Variants in EPHA6 observed in about 807,000 individuals in gnomAD.
EPHA6 encodes the protein EPH receptor A6.
EPHA6 carries 50 observed loss-of-function variants against 112.0 expected under a neutral mutation model. The ratio of observed to expected loss-of-function variants is 0.45; its 90% CI spans 0.36 to 0.56. EPHA6 has a LOEUF of 0.56. Among genes scored for constraint, EPHA6 ranks in the 20% least tolerant of loss-of-function variants. EPHA6 has a pLI of 0.00. For synonymous variants in EPHA6, 529 were observed against 490.7 expected (o/e 1.08, Z -1.03); for missense variants, 1,280 against 1,417.4 (o/e 0.90, Z 1.56).
At chr3:97,239,908 A>G (rs2078792289) in intron 4 of EPHA6, among the ~76,000 whole-genome samples, 1 of 151,880 alleles carries the variant, frequency 6.6e-6, no homozygotes, top group Non-Finnish European at 1.5e-5. Context: ...TAGGCTGAAT[A>G]TGATGTAATA....
chr3:97,622,964 T>TG (rs1345472166), intron 13 of EPHA6, among the ~76,000 whole-genome samples: 2 of 151,620 alleles, frequency 1.3e-5, no homozygotes, highest in African/African-American at 2.4e-5. Context: ...GATTTTTTTT[T>TG]GTTGAATTTT....
chr3:97,319,404 A>G (rs1033491597), intron 5 of EPHA6, among the ~76,000 whole-genome samples: 1 of 151,810 alleles, frequency 6.6e-6, no homozygotes, highest in African/African-American at 2.4e-5. Flanking sequence ...ACAGTGGCTC[A>G]TGCCTGTAAT....
At chr3:97,364,235 C>G (rs1310652961) in intron 5 of EPHA6, among the ~76,000 whole-genome samples, 1 of 151,598 alleles carries the variant, frequency 6.6e-6, no homozygotes, top group Non-Finnish European at 1.5e-5. Context: ...TACGAGGACA[C>G]AGAGAAAGCC....
chr3:97,257,544 G>C lies in EPHA6; in HGVS notation c.1606+13257G>C, dbSNP rs999742642. On this transcript the variant is annotated intron_variant, in intron 5 of 17. Coordinates refer to ENST00000389672, the MANE Select transcript of EPHA6 (RefSeq NM_001080448.3). ...TGATTTTTCTTTGGAAAATGGTAAT[G>C]CTCTGACTGCTTAGTGTATGATTTG... Among the ~76,000 whole-genome samples, 4 of 152,076 alleles carry C rather than the reference G, an allele frequency of 2.6e-5. No homozygotes were observed. The East Asian group carries it at 7.7e-4, about 29-fold the overall frequency.
rs114842393 is a variant in EPHA6, at chr3:96,962,518, G to C, written c.451-24812G>C. ...TCTAATACTAAACCCACTTTTAGAC[G>C]GCCTAACTAGATAACATTCTGAGCC... On this transcript the variant is annotated intron_variant, in intron 2 of 17. Transcript: ENST00000389672. Among the ~76,000 whole-genome samples, 127 of 146,162 alleles carry C rather than the reference G, an allele frequency of 8.7e-4. 1 individual carries two copies. Among genetic ancestry groups the C allele is most frequent in the African/African-American group, 3.1e-3 (121 of 39,258 alleles).
intron 7 of EPHA6, among the ~76,000 whole-genome samples, chr3:97,463,921 C>T (rs113423092): frequency 4.6e-5 from 7 of 152,100 alleles, no homozygotes; most frequent in Admixed American, 1.3e-4. Flanking sequence ...AAACCATGAG[C>T]TAGGTTAAGC....
At chr3:97,484,185 G>T in intron 10 of EPHA6, 126 bp downstream of exon 10, 1 of 771,348 alleles carries the variant, frequency 1.3e-6, no homozygotes. Context: ...GAGAAGTAAA[G>T]TGATCTTGTA....
Position 96,814,909 on chromosome 3 carries a change from G to C in EPHA6, c.286G>C (p.Gly96Arg), listed in dbSNP as rs760271886. Residue 96 changes from glycine to arginine, a missense_variant, in exon 1 of 18, where the codon GGG becomes CGG. Gly to Arg is a moderately radical substitution (Grantham distance 125). Transcript: ENST00000389672. ...GAAAAGAGAGCCTAGGAGAACCATG[G>C]GGGGCTGCGAAGTCCGGGAATTTCT... ...ERKREPRRTM[G>R]GCEVREFLLQ... 1 of 1,552,752 alleles carries C rather than the reference G, an allele frequency of 6.4e-7. No individual in the cohort carries two copies. Among genetic ancestry groups the C allele is most frequent in the East Asian group, 2.4e-5 (1 of 40,952 alleles).
rs140210212 is a variant in EPHA6 at position 97,241,796 on chromosome 3, G to A, written c.1271-2156G>A. Among the ~76,000 whole-genome samples the A allele has an allele frequency of 3.7e-4, 54 of 144,992 alleles. 1 individual carries two copies. The East Asian group carries it at 6.2e-3, about 17-fold the overall frequency. On this transcript the variant is annotated intron_variant, in intron 4 of 17. Coordinates refer to ENST00000389672, the MANE Select transcript of EPHA6 (RefSeq NM_001080448.3). Reference sequence around the variant, plus strand: ...GTTTTTTTTTTTAGTATCTGCAGGCGGACAGTTATATACTTATAGACACCC... The same window carrying A: ...GTTTTTTTTTTTAGTATCTGCAGGCAGACAGTTATATACTTATAGACACCC...
intron 13 of EPHA6, among the ~76,000 whole-genome samples, chr3:97,613,674 G>A (rs1424399514): frequency 6.6e-6 from 1 of 152,020 alleles, no homozygotes; most frequent in African/African-American, 2.4e-5. Flanking sequence ...GTGTAGAGAA[G>A]GGATGTGTGT....
At chr3:97,441,557 T>G in intron 6 of EPHA6, 1 of 430,876 alleles carries the variant, frequency 2.3e-6, no homozygotes, top group Non-Finnish European at 3.1e-6. Context: ...CTGTTTTTAC[T>G]GTTACTTTGC....
intron 5 of EPHA6, among the ~76,000 whole-genome samples, chr3:97,331,495 C>G (rs1429099438): frequency 6.6e-6 from 1 of 152,034 alleles, no homozygotes; most frequent in Non-Finnish European, 1.5e-5. Context: ...AATTGATAGA[C>G]CGCTAGCAAG....
chr3:97,250,392 C>G (rs915883321), intron 5 of EPHA6, among the ~76,000 whole-genome samples: 6 of 152,164 alleles, frequency 3.9e-5, no homozygotes, highest in African/African-American at 1.4e-4. Context: ...GCTGTGTTCT[C>G]TGAGGAATTC....
chr3:97,077,136 C>A (rs1231884808), intron 3 of EPHA6, among the ~76,000 whole-genome samples: 3 of 152,086 alleles, frequency 2.0e-5, no homozygotes, highest in Non-Finnish European at 4.4e-5. Flanking sequence ...AGTGATTCTT[C>A]TGATGAATCT....
At chr3:97,675,310 G>T (rs923495187) in intron 14 of EPHA6, among the ~76,000 whole-genome samples, 3 of 151,862 alleles carry the variant, frequency 2.0e-5, no homozygotes, top group Non-Finnish European at 4.4e-5. Flanking sequence ...GAAACCCCGT[G>T]TCTACTAAAA....
chr3:97,146,139 T>C (rs1168779722), intron 3 of EPHA6, among the ~76,000 whole-genome samples: 1 of 151,858 alleles, frequency 6.6e-6, no homozygotes, highest in Admixed American at 6.6e-5. Context: ...CTGACTTCTC[T>C]GTAGCTTTAG....
At chr3:97,520,454 T>G (rs1023657705) in intron 10 of EPHA6, among the ~76,000 whole-genome samples, 18 of 152,196 alleles carry the variant, frequency 1.2e-4, no homozygotes, top group Non-Finnish European at 2.2e-4. Flanking sequence ...GTATTTCACC[T>G]TCATTTATGA....
chr3:96,955,276 A>G (rs922668492), intron 2 of EPHA6, among the ~76,000 whole-genome samples: 10 of 152,184 alleles, frequency 6.6e-5, no homozygotes, highest in African/African-American at 2.4e-4. Flanking sequence ...GTGTCTTTAC[A>G]TTAATGGTGT....
intron 2 of EPHA6, among the ~76,000 whole-genome samples, chr3:96,919,089 C>T (rs534456850): frequency 1.1e-4 from 16 of 151,954 alleles, no homozygotes; most frequent in Admixed American, 1.0e-3. Context: ...TCCTTATTGA[C>T]TCTACTGTAT....
Sources: gnomAD v4.1 joint callset for allele counts (sites outside exome capture counted in the v4.1 genomes callset) on GRCh38, gnomAD v4.1.1 for gene constraint, MANE v1.5 for transcripts, NCBI Gene and HGNC (gene_info 2026-07-23, HGNC 2026-07-21) for gene names.